GALNTL6: variants seen among roughly 807,000 people sequenced by gnomAD.
GALNTL6 encodes the protein polypeptide N-acetylgalactosaminyltransferase like 6.
In GALNTL6, 46 loss-of-function variants were observed where a neutral mutation model predicts 73.7. The ratio of observed to expected loss-of-function variants is 0.62; its 90% CI spans 0.49 to 0.80. The LOEUF (loss-of-function observed/expected upper bound fraction) is 0.80, where lower values mean the gene tolerates loss of function less well. Ranked by LOEUF, GALNTL6 falls within the 30% of genes least tolerant of loss-of-function variation. GALNTL6 has a pLI of 0.00. For missense variants in GALNTL6, 604 were observed against 755.0 expected (o/e 0.80, Z 2.34); for synonymous variants, 259 against 263.7 (o/e 0.98, Z 0.17).
At chr4:171,957,803 AAAGT>A (rs1246770902) in intron 2 of GALNTL6, among the ~76,000 whole-genome samples, 1 of 152,170 alleles carries the variant, frequency 6.6e-6, no homozygotes, top group East Asian at 1.9e-4. Context: ...CTTTGGGAAG[AAAGT>A]AAGTAACTGA....
chr4:172,444,396 A>G (rs1290166872), intron 5 of GALNTL6, among the ~76,000 whole-genome samples: 1 of 152,152 alleles, frequency 6.6e-6, no homozygotes, highest in East Asian at 1.9e-4. Flanking sequence ...TAATTATCTA[A>G]GGTAGGCCCG....
chr4:172,044,853 A>T (rs1363244999), intron 2 of GALNTL6, among the ~76,000 whole-genome samples: 1 of 152,042 alleles, frequency 6.6e-6, no homozygotes, highest in East Asian at 1.9e-4. Flanking sequence ...CTACAGAATT[A>T]CATAAGCCTT....
At position 173,012,587 on chromosome 4, in the gene GALNTL6, G is replaced by C. The variant is rs78784599; in HGVS notation, c.1488+3293G>C. On this transcript the variant is annotated intron_variant, in intron 11 of 12. Coordinates refer to ENST00000506823, the MANE Select transcript of GALNTL6 (RefSeq NM_001034845.3). ...TTAAACCATGTGGCCTTGTGAAGTT[G>C]TGAAATCTTTCTAGGCCATAGTTCT... 4.1e-3 allele frequency among the ~76,000 whole-genome samples: 629 copies of C among 152,332 alleles called. 2 individuals carry two copies. Among genetic ancestry groups the C allele is most frequent in the Non-Finnish European group, 6.4e-3 (435 of 68,036 alleles).
chr4:172,564,089 C>T (rs1385197431), intron 5 of GALNTL6, among the ~76,000 whole-genome samples: 1 of 152,172 alleles, frequency 6.6e-6, no homozygotes, highest in Admixed American at 6.5e-5. Context: ...TATTAGATCA[C>T]ATTGTGCATT....
At chr4:172,146,475 G>T (rs1176752041) in intron 2 of GALNTL6, among the ~76,000 whole-genome samples, 1 of 152,112 alleles carries the variant, frequency 6.6e-6, no homozygotes. Flanking sequence ...TAGTACAAAG[G>T]CTATACATGT....
chr4:172,456,007 G>T (rs1193123276), intron 5 of GALNTL6, among the ~76,000 whole-genome samples: 1 of 152,166 alleles, frequency 6.6e-6, no homozygotes, highest in Non-Finnish European at 1.5e-5. Flanking sequence ...GAAGAAACAG[G>T]CAGCAATCTT....
chr4:172,878,885 T>G (rs569963190), intron 7 of GALNTL6, among the ~76,000 whole-genome samples: 94 of 151,874 alleles, frequency 6.2e-4, no homozygotes, highest in Non-Finnish European at 1.0e-3. Context: ...AAGACACAAA[T>G]AGTTTAAAAG....
intron 4 of GALNTL6, among the ~76,000 whole-genome samples, chr4:172,329,719 C>T (rs1356214037): frequency 6.6e-6 from 1 of 152,164 alleles, no homozygotes; most frequent in Non-Finnish European, 1.5e-5. Context: ...CCCCCTAGAG[C>T]CCGAAGGCAA....
intron 2 of GALNTL6, among the ~76,000 whole-genome samples, chr4:171,830,434 T>C (rs552140418): frequency 1.3e-5 from 2 of 152,294 alleles, no homozygotes; most frequent in East Asian, 3.9e-4. Context: ...AAATATTTCT[T>C]GAAATAATTA....
At chr4:172,495,462 T>TG (rs761119856) in intron 5 of GALNTL6, among the ~76,000 whole-genome samples, 3 of 152,204 alleles carry the variant, frequency 2.0e-5, no homozygotes, top group Non-Finnish European at 4.4e-5. Context: ...TCCTTATCTG[T>TG]GGCCACCAAA....
At position 173,034,861 on chromosome 4, in the gene GALNTL6, G is replaced by A. The variant is rs1171533168; in HGVS notation, c.1639-5072G>A. On this transcript the variant is annotated intron_variant, in intron 12 of 12. Transcript: ENST00000506823. The stretch of plus-strand genomic sequence containing the variant: ...CCTCACCCCTACCTCTGGAAAAGAA[G>A]CTCCAGGAGGGCAGGGATTTTTGTC... Among the ~76,000 whole-genome samples the A allele has an allele frequency of 7.9e-5, 12 of 152,254 alleles. No individual in the cohort carries two copies. The East Asian group carries it at 2.3e-3, about 29-fold the overall frequency.
At chr4:172,481,397 G>T (rs912344350) in intron 5 of GALNTL6, among the ~76,000 whole-genome samples, 2 of 124,562 alleles carry the variant, frequency 1.6e-5, no homozygotes, top group Non-Finnish European at 3.7e-5. Flanking sequence ...AAAGAGCAAA[G>T]CTTCCACAGT....
At chr4:171,970,048 G>A (rs1739517854) in intron 2 of GALNTL6, among the ~76,000 whole-genome samples, 1 of 152,180 alleles carries the variant, frequency 6.6e-6, no homozygotes, top group Admixed American at 6.5e-5. Context: ...TGGAATTACA[G>A]GTGTGAGCCA....
intron 2 of GALNTL6, among the ~76,000 whole-genome samples, chr4:172,049,225 A>C (rs553561297): frequency 6.9e-6 from 1 of 145,946 alleles, no homozygotes; most frequent in East Asian, 2.1e-4. Flanking sequence ...GACTTCATGA[A>C]ATAAAAATTT....
intron 9 of GALNTL6, among the ~76,000 whole-genome samples, chr4:172,944,165 G>T (rs1274489101): frequency 6.6e-6 from 1 of 151,956 alleles, no homozygotes; most frequent in African/African-American, 2.4e-5. Flanking sequence ...TTTTTCAAAG[G>T]CACTGTTAAG....
Position 172,772,032 on chromosome 4 carries a change from G to A in GALNTL6, c.554-37329G>A, listed in dbSNP as rs543367611. On this transcript the variant is annotated intron_variant, in intron 5 of 12. Coordinates refer to ENST00000506823, the MANE Select transcript of GALNTL6 (RefSeq NM_001034845.3). ...GCTGGGGAGGCCTCACAATCATGGC[G>A]AAAGGTGAAAGGCACGTCTCACATG... 1.2e-4 allele frequency among the ~76,000 whole-genome samples: 19 copies of A among 152,224 alleles called. No individual in the cohort carries two copies. The South Asian group carries it at 2.9e-3, about 23-fold the overall frequency.
intron 2 of GALNTL6, among the ~76,000 whole-genome samples, chr4:172,162,973 G>A (rs2110796875): frequency 6.6e-6 from 1 of 152,154 alleles, no homozygotes; most frequent in African/African-American, 2.4e-5. Context: ...TGACCATGGA[G>A]AATAAAGTAG....
intron 5 of GALNTL6, among the ~76,000 whole-genome samples, chr4:172,387,070 G>T (rs1231757933): frequency 1.3e-5 from 2 of 152,098 alleles, no homozygotes; most frequent in East Asian, 1.9e-4. Context: ...CAAAATTAAT[G>T]ATCACAGGTA....
At chr4:172,326,583 G>A (rs1489989022) in intron 4 of GALNTL6, among the ~76,000 whole-genome samples, 1 of 151,890 alleles carries the variant, frequency 6.6e-6, no homozygotes, top group East Asian at 1.9e-4. Flanking sequence ...ACTTATTTGT[G>A]TCTTTATATT....
Sources: allele counts gnomAD v4.1 joint callset (sites outside exome capture counted in the v4.1 genomes callset), GRCh38; gene constraint gnomAD v4.1.1; transcripts MANE v1.5; gene names NCBI Gene and HGNC (gene_info 2026-07-23, HGNC 2026-07-21).